The following RAB4A variants were observed in gnomAD, a reference collection of about 807,000 sequenced individuals.
RAB4A encodes the protein RAB4A, member RAS oncogene family.
A neutral mutation model predicts 34.5 loss-of-function variants in RAB4A; 20 were observed. The ratio of observed to expected loss-of-function variants is 0.58; its 90% CI spans 0.41 to 0.84. The LOEUF (loss-of-function observed/expected upper bound fraction) is 0.84, where lower values mean the gene tolerates loss of function less well. Among genes scored for constraint, RAB4A ranks in the 40% least tolerant of loss-of-function variants. The pLI, the probability that RAB4A is intolerant of heterozygous loss-of-function variation, is 0.00. For missense variants in RAB4A, 228 were observed against 274.5 expected (o/e 0.83, Z 1.20); for synonymous variants, 102 against 100.0 (o/e 1.02, Z -0.12).
At position 229,299,158 on chromosome 1, in the gene RAB4A, G is replaced by A. The variant is rs534256813; in HGVS notation, c.541+86G>A. 40 of 936,090 alleles carry A rather than the reference G, an allele frequency of 4.3e-5. No homozygotes were observed. In the African/African-American group the frequency reaches 5.7e-4, roughly 13 times the overall value. 58.0% of individuals were successfully genotyped at this position (936,090 alleles called of 1,614,324 possible). ...TCACCTTTTAATTAATAGTTTCAGG[G>A]TGATTTAGTAAAGAATGTTCTCTCT... On this transcript the variant is annotated intron_variant, in intron 6 of 7. Transcript: ENST00000366690.
rs1485753640 is a variant in RAB4A at position 229,302,293 on chromosome 1, ATATATATATATATATATTTTTTTT to A, written c.542-567_542-544del. Among the ~76,000 whole-genome samples the A allele has an allele frequency of 8.3e-5, 2 of 24,216 alleles. 1 individual carries two copies. Among genetic ancestry groups the A allele is most frequent in the Non-Finnish European group, 1.5e-4 (2 of 13,528 alleles). The allele number at this position is 24,216 out of a possible 152,430, so 15.9% of individuals were successfully genotyped here. ...TATATATATATATATATATATATATATATATATATATATATATTTTTTTTTTTTTTTTACATGTGCATGAGTCTG... is the reference window on the plus strand; with the variant it reads ...TATATATATATATATATATATATATATTTTTTTTACATGTGCATGAGTCTG... On this transcript the variant is annotated intron_variant, in intron 6 of 7. Coordinates refer to ENST00000366690, the MANE Select transcript of RAB4A (RefSeq NM_004578.4).
Position 229,295,852 on chromosome 1 carries a change from G to A in RAB4A, c.232G>A (p.Val78Met), listed in dbSNP as rs141754859. 1.5e-5 allele frequency: 24 copies of A among 1,613,868 alleles called. No homozygotes were observed. Among genetic ancestry groups the A allele is most frequent in the East Asian group, 4.5e-5 (2 of 44,872 alleles). ...AAACCAGTATAATTCTTCCAGGTCC[G>A]TGACGAGAAGTTATTACCGAGGCGC... ...DTAGQERFRS[V>M]TRSYYRGAAG... is the part of the protein sequence containing the mutation. Residue 78 changes from valine to methionine, a missense_variant, in exon 4 of 8, where the codon GTG becomes ATG. Physicochemically the swap from Val to Met is conservative, Grantham distance 21 (BLOSUM62 1). Coordinates refer to ENST00000366690, the MANE Select transcript of RAB4A (RefSeq NM_004578.4).
intron 3 of RAB4A, among the ~76,000 whole-genome samples, chr1:229,291,432 G>A (rs977972348): frequency 3.3e-5 from 5 of 152,198 alleles, no homozygotes; most frequent in African/African-American, 1.2e-4. Context: ...CAGTCAGTAT[G>A]TGATGGCACT....
chr1:229,295,133 G>A (rs1279804859), intron 3 of RAB4A, among the ~76,000 whole-genome samples: 2 of 151,848 alleles, frequency 1.3e-5, no homozygotes, highest in Non-Finnish European at 1.5e-5. Context: ...CTAATTTTTT[G>A]TAGAGACAGG....
intron 3 of RAB4A, among the ~76,000 whole-genome samples, chr1:229,293,856 G>A (rs953943143): frequency 2.6e-5 from 4 of 152,196 alleles, no homozygotes; most frequent in Admixed American, 2.6e-4. Context: ...AGACGGGAGT[G>A]GCAGGGGCTG....
At chr1:229,293,028 C>T (rs768934122) in intron 3 of RAB4A, among the ~76,000 whole-genome samples, 1 of 152,340 alleles carries the variant, frequency 6.6e-6, no homozygotes, top group South Asian at 2.1e-4. Context: ...CCCTCCATCC[C>T]TCACATCCCC....
intron 1 of RAB4A, among the ~76,000 whole-genome samples, chr1:229,273,173 T>C (rs764903502): frequency 2.6e-5 from 4 of 152,310 alleles, no homozygotes; most frequent in African/African-American, 7.2e-5. Context: ...TAAGAAAGGA[T>C]TGGAAGAGTT....
At chr1:229,298,100 A>G (rs1052296031) in intron 5 of RAB4A, among the ~76,000 whole-genome samples, 1 of 152,222 alleles carries the variant, frequency 6.6e-6, no homozygotes, top group African/African-American at 2.4e-5. Flanking sequence ...TTGAATTTCC[A>G]TATAGAATAC....
Position 229,271,292 on chromosome 1 carries a change from C to T in RAB4A, c.-48C>T, listed in dbSNP as rs1656461778. ...CCCACCGAGACGCGCCGGCGGACCG[C>T]GGGCGAGTGCAGCCGGTGACCCGGC... is the stretch of plus-strand genomic sequence containing the variant. On this transcript the variant is annotated 5_prime_UTR_variant, in exon 1 of 8. Coordinates refer to ENST00000366690, the MANE Select transcript of RAB4A (RefSeq NM_004578.4). 7.5e-7 allele frequency: 1 copy of T among 1,329,028 alleles called. No homozygotes were observed. Among genetic ancestry groups the T allele is most frequent in the South Asian group, 1.9e-5 (1 of 52,080 alleles). The allele number at this position is 1,329,028 out of a possible 1,614,324, so 82.3% of individuals were successfully genotyped here.
Position 229,271,128 on chromosome 1 carries a change from C to A in RAB4A, c.-212C>A, listed in dbSNP as rs1308285644. 2.7e-6 allele frequency: 1 copy of A among 376,300 alleles called. No homozygotes were observed. Among genetic ancestry groups the A allele is most frequent in the Non-Finnish European group, 4.6e-6 (1 of 218,602 alleles). The allele number at this position is 376,300 out of a possible 1,614,324, so 23.3% of individuals were successfully genotyped here. A position where few individuals can be genotyped will look rare whatever the true frequency, so the allele number is the denominator to read the frequency against. ...CCCATCTCCTCTTCCTCCTCGCGGTCGCGGCCGGACGGAGGGTGGAGGGCC... is the reference window on the plus strand; with the variant it reads ...CCCATCTCCTCTTCCTCCTCGCGGTAGCGGCCGGACGGAGGGTGGAGGGCC... On this transcript the variant is annotated 5_prime_UTR_variant, in exon 1 of 8. Transcript: ENST00000366690.
chr1:229,295,988 C>T (rs1346059877), intron 4 of RAB4A, 78 bp downstream of exon 4: 38 of 1,456,554 alleles, frequency 2.6e-5, no homozygotes, highest in Middle Eastern at 1.8e-4. Flanking sequence ...AGGTGCCCTC[C>T]GTGCAGTGTG....
rs1448936606 is a variant in RAB4A at position 229,305,128 on chromosome 1, C to G, written c.*1335C>G. The G allele has an allele frequency of 1.9e-6, 3 of 1,577,162 alleles. No individual in the cohort carries two copies. The highest frequency in any genetic ancestry group is 2.6e-6 in the Non-Finnish European group (3 of 1,163,670). On this transcript the variant is annotated 3_prime_UTR_variant, in exon 8 of 8. Transcript: ENST00000366690. The stretch of plus-strand genomic sequence containing the variant: ...CAGAGCACAGAGACACATAAAAACT[C>G]TGGGAAATGACTAGGATAAAAATAT...
chr1:229,276,528 G>T (rs1352108375), intron 1 of RAB4A, among the ~76,000 whole-genome samples: 1 of 151,114 alleles, frequency 6.6e-6, no homozygotes, highest in East Asian at 1.9e-4. Context: ...CTACACCTGG[G>T]TGGCCTACAG....
chr1:229,293,112 TTAGA>T (rs1488530392), intron 3 of RAB4A, among the ~76,000 whole-genome samples: 1 of 152,246 alleles, frequency 6.6e-6, no homozygotes, highest in Non-Finnish European at 1.5e-5. Flanking sequence ...TACTGGTTTG[TTAGA>T]TAGGTGTCAA....
Position 229,290,117 on chromosome 1 carries a change from G to A in RAB4A, c.227+1274G>A, listed in dbSNP as rs575684087. The stretch of plus-strand genomic sequence containing the variant: ...GCTCCACCTTAAGTACTGTAATGGG[G>A]GAAGCCATTTCTTCCTCTGGAGTCC... On this transcript the variant is annotated intron_variant, in intron 3 of 7. Transcript: ENST00000366690. Among the ~76,000 whole-genome samples the A allele has an allele frequency of 2.6e-5, 4 of 152,324 alleles. No homozygotes were observed. In the South Asian group the frequency reaches 8.3e-4, roughly 32 times the overall value.
At chr1:229,303,716 T>C (rs1489123536) in intron 7 of RAB4A, 90 bp from the exon 8 acceptor site, 1 of 152,254 alleles carries the variant, frequency 6.6e-6, no homozygotes, top group Non-Finnish European at 1.5e-5. Context: ...AAAGACAAGA[T>C]ATTCACGAAT....
Position 229,305,433 on chromosome 1 carries a change from C to A in RAB4A, c.*1640C>A. 2.5e-6 allele frequency: 2 copies of A among 789,120 alleles called. No homozygotes were observed. Among genetic ancestry groups the A allele is most frequent in the Non-Finnish European group, 3.8e-6 (2 of 528,252 alleles). 48.9% of individuals were successfully genotyped at this position (789,120 alleles called of 1,614,324 possible). A position where few individuals can be genotyped will look rare whatever the true frequency, so the allele number is the denominator to read the frequency against. On this transcript the variant is annotated 3_prime_UTR_variant, in exon 8 of 8. Coordinates refer to ENST00000366690, the MANE Select transcript of RAB4A (RefSeq NM_004578.4). ...ATGTAAAGTTGTTTTATAAACGATC[C>A]TGTTAATTAAACCACAGACACCATA... is the stretch of plus-strand genomic sequence containing the variant.
At chr1:229,303,321 T>TG (rs1657466674) in intron 7 of RAB4A, among the ~76,000 whole-genome samples, 1 of 150,476 alleles carries the variant, frequency 6.6e-6, no homozygotes. Flanking sequence ...ATCATACCAC[T>TG]GCACTCCAGC....
At chr1:229,291,816 A>G (rs1016221800) in intron 3 of RAB4A, among the ~76,000 whole-genome samples, 4 of 152,090 alleles carry the variant, frequency 2.6e-5, no homozygotes, top group African/African-American at 7.2e-5. Context: ...AACTATCCAC[A>G]TGTATTATAT....
Sources: allele counts gnomAD v4.1 joint callset (sites outside exome capture counted in the v4.1 genomes callset), GRCh38; gene constraint gnomAD v4.1.1; transcripts MANE v1.5; gene names NCBI Gene and HGNC (gene_info 2026-07-23, HGNC 2026-07-21).